The following ANLN variants were observed in gnomAD, a reference collection of about 807,000 sequenced individuals.
ANLN encodes anillin, actin binding protein.
A neutral mutation model predicts 135.1 loss-of-function variants in ANLN; 59 were observed. The ratio of observed to expected loss-of-function variants is 0.44; its 90% confidence interval spans 0.35 to 0.54. The LOEUF (loss-of-function observed/expected upper bound fraction) is 0.54. Ranked by LOEUF, ANLN falls within the 20% of genes least tolerant of loss-of-function variation. ANLN has a pLI of 0.00. For missense variants in ANLN, 1,182 were observed against 1,340.0 expected (o/e 0.88, Z 1.84); for synonymous variants, 406 against 456.4 (o/e 0.89, Z 1.41).
intron 12 of ANLN, 50 bp downstream of exon 12, chr7:36,420,794 G>C (rs1479775240): frequency 6.3e-7 from 1 of 1,587,968 alleles, no homozygotes; most frequent in East Asian, 2.3e-5. Context: ...GCACTAGGCT[G>C]TGAGCTCTGT....
rs1786342147 is a variant in ANLN at position 36,389,882 on chromosome 7, AGAG to A, written c.-141_-139del. Reference sequence around the variant, plus strand: ...AGGCCGAGTCCGTCACTGGAAGCCGAGAGGAGAGGACAGCTGGTTGTGGGAGAG... The same window carrying A: ...AGGCCGAGTCCGTCACTGGAAGCCGAGAGAGGACAGCTGGTTGTGGGAGAG... On this transcript the variant is annotated 5_prime_UTR_variant, in exon 1 of 24. Coordinates refer to ENST00000265748, the MANE Select transcript of ANLN (RefSeq NM_018685.5). 1 of 1,439,924 alleles carries A rather than the reference AGAG, an allele frequency of 6.9e-7. No individual in the cohort carries two copies. Among genetic ancestry groups the A allele is most frequent in the Non-Finnish European group, 9.7e-7 (1 of 1,036,102 alleles). 89.2% of individuals were successfully genotyped at this position (1,439,924 alleles called of 1,614,324 possible).
chr7:36,428,941 G>A (rs1730313146), intron 20 of ANLN, among the ~76,000 whole-genome samples: 1 of 151,766 alleles, frequency 6.6e-6, no homozygotes, highest in African/African-American at 2.4e-5. Context: ...ACCACATCTG[G>A]CTAGTTTTTG....
intron 1 of ANLN, 138 bp downstream of exon 1, chr7:36,390,182 G>T (rs1468250280): frequency 3.4e-6 from 5 of 1,463,040 alleles, no homozygotes; most frequent in African/African-American, 1.4e-5. Context: ...TGCGGGCCGG[G>T]GTCGCCGCGG....
chr7:36,390,930 T>G (rs1786424775), intron 1 of ANLN, among the ~76,000 whole-genome samples: 1 of 151,514 alleles, frequency 6.6e-6, no homozygotes, highest in Non-Finnish European at 1.5e-5. Flanking sequence ...AATTTCAAAC[T>G]GTTAGTTTTT....
intron 12 of ANLN, among the ~76,000 whole-genome samples, chr7:36,421,552 G>T (rs1027058909): frequency 6.6e-6 from 1 of 151,926 alleles, no homozygotes; most frequent in African/African-American, 2.4e-5. Flanking sequence ...CAGTGTAATT[G>T]TAATTTAAAT....
intron 23 of ANLN, among the ~76,000 whole-genome samples, chr7:36,450,995 G>A (rs893156844): frequency 1.3e-5 from 2 of 152,134 alleles, no homozygotes; most frequent in Non-Finnish European, 2.9e-5. Flanking sequence ...TCATGTACTT[G>A]TAGTCTTTCT....
intron 20 of ANLN, among the ~76,000 whole-genome samples, chr7:36,427,458 G>A (rs1038082332): frequency 3.3e-5 from 5 of 151,984 alleles, no homozygotes; most frequent in Admixed American, 2.0e-4. Context: ...AGCCTCGCGG[G>A]CTCCCACCTT....
chr7:36,397,091 A>T (rs1786735808), intron 2 of ANLN, among the ~76,000 whole-genome samples: 1 of 152,140 alleles, frequency 6.6e-6, no homozygotes, highest in Non-Finnish European at 1.5e-5. Context: ...ACTGTAAAAT[A>T]CTGTAATACA....
intron 9 of ANLN, among the ~76,000 whole-genome samples, chr7:36,417,676 T>C (rs1481437167): frequency 8.1e-6 from 1 of 123,052 alleles, no homozygotes; most frequent in Non-Finnish European, 1.7e-5. Context: ...CAAACTTCCT[T>C]TTTTTTTTTT....
intron 8 of ANLN, among the ~76,000 whole-genome samples, chr7:36,416,714 G>A (rs1787655988): frequency 6.6e-6 from 1 of 151,180 alleles, no homozygotes; most frequent in Non-Finnish European, 1.5e-5. Flanking sequence ...GGGGAAACTG[G>A]AAAAACAAAC....
At chr7:36,403,526 C>G (rs896318683) in intron 3 of ANLN, 1 of 152,136 alleles carries the variant, frequency 6.6e-6, no homozygotes, top group Non-Finnish European at 1.5e-5. Context: ...CATCTAGTGA[C>G]AATGGCAAAA....
chr7:36,390,359 A>C (rs1786386001), intron 1 of ANLN: 1 of 422,012 alleles, frequency 2.4e-6, no homozygotes, highest in Non-Finnish European at 4.3e-6. Context: ...AGCAAGAGTG[A>C]GGCGCAGGCC....
At chr7:36,428,591 T>C (rs1788184395) in intron 20 of ANLN, among the ~76,000 whole-genome samples, 1 of 152,064 alleles carries the variant, frequency 6.6e-6, no homozygotes, top group South Asian at 2.1e-4. Context: ...TGTTTGGTGT[T>C]TGGGTCTTTT....
At position 36,422,619 on chromosome 7, in the gene ANLN, G is replaced by A. The variant is rs368872507; in HGVS notation, c.2300-14G>A. On this transcript the variant is annotated splice_polypyrimidine_tract_variant and intron_variant, in intron 13 of 23. Coordinates refer to ENST00000265748, the MANE Select transcript of ANLN (RefSeq NM_018685.5). Reference sequence around the variant, plus strand: ...ACGATTTTAATATTTGGAATATTGCGTTGTTTTACATAGCTGGGAAGAGAA... The same window carrying A: ...ACGATTTTAATATTTGGAATATTGCATTGTTTTACATAGCTGGGAAGAGAA... 48 of 1,570,274 alleles carry A rather than the reference G, an allele frequency of 3.1e-5. No individual in the cohort carries two copies. Among genetic ancestry groups the A allele is most frequent in the African/African-American group, 4.1e-5 (3 of 72,624 alleles).
intron 20 of ANLN, among the ~76,000 whole-genome samples, chr7:36,432,733 T>C (rs993245975): frequency 6.6e-6 from 1 of 152,224 alleles, no homozygotes; most frequent in African/African-American, 2.4e-5. Context: ...ATTTTGGTAA[T>C]CCTTTTTAAT....
At chr7:36,390,283 C>T (rs904827307) in intron 1 of ANLN, 3 of 607,066 alleles carry the variant, frequency 4.9e-6, no homozygotes, top group African/African-American at 3.7e-5. Context: ...TGAGTCTGTC[C>T]TAAAAGGCTG....
intron 20 of ANLN, among the ~76,000 whole-genome samples, chr7:36,433,365 G>A (rs1216376915): frequency 6.6e-6 from 1 of 152,128 alleles, no homozygotes; most frequent in South Asian, 2.1e-4. Context: ...CTGCTAAATT[G>A]ACAGGTTTTT....
At chr7:36,429,535 T>C (rs1205080348) in intron 20 of ANLN, among the ~76,000 whole-genome samples, 1 of 152,252 alleles carries the variant, frequency 6.6e-6, no homozygotes, top group Non-Finnish European at 1.5e-5. Flanking sequence ...ATTTTTAATA[T>C]TTTTGTAAAG....
chr7:36,451,324 A>G (rs1583668078), intron 23 of ANLN, among the ~76,000 whole-genome samples: 1 of 152,164 alleles, frequency 6.6e-6, no homozygotes, highest in East Asian at 1.9e-4. Context: ...ACTTCAAAAT[A>G]GAGACTACAC....
Sources: allele counts gnomAD v4.1 joint callset (sites outside exome capture counted in the v4.1 genomes callset), GRCh38; gene constraint gnomAD v4.1.1; transcripts MANE v1.5; gene names NCBI Gene and HGNC (gene_info 2026-07-23, HGNC 2026-07-21).